KCNH7: variants seen among roughly 807,000 people sequenced by gnomAD.
KCNH7 encodes voltage-gated inwardly rectifying potassium channel KCNH7.
KCNH7 carries 49 observed loss-of-function variants against 120.8 expected under a neutral mutation model. That is an observed-to-expected ratio of 0.41 (90% CI 0.32 to 0.51). The LOEUF is 0.51. KCNH7 is among the 20% of genes least tolerant of loss of function. KCNH7 has a pLI of 0.38. For synonymous variants in KCNH7, 547 were observed against 516.1 expected, an observed-to-expected ratio of 1.06 and a Z score of -0.81; for missense variants, 1,097 against 1,446.6, an observed-to-expected ratio of 0.76 and a Z score of 3.92.
intron 6 of KCNH7, among the ~76,000 whole-genome samples, chr2:162,488,024 C>T (rs1267342498): frequency 6.6e-6 from 1 of 152,216 alleles, no homozygotes; most frequent in Non-Finnish European, 1.5e-5. Context: ...GTGTTTGTCC[C>T]AACCCTCAGG....
At chr2:162,732,502 T>C (rs1194827332) in intron 2 of KCNH7, among the ~76,000 whole-genome samples, 1 of 151,860 alleles carries the variant, frequency 6.6e-6, no homozygotes, top group Non-Finnish European at 1.5e-5. Flanking sequence ...TAGAGTGCTT[T>C]AAAAGTCACA....
intron 14 of KCNH7, among the ~76,000 whole-genome samples, chr2:162,376,552 T>TG (rs1356323744): frequency 5.9e-5 from 9 of 151,806 alleles, no homozygotes; most frequent in Admixed American, 2.6e-4. Flanking sequence ...TCAGTAGAGA[T>TG]GGGGGTTCAC....
At chr2:162,809,493 G>A (rs1684658660) in intron 2 of KCNH7, among the ~76,000 whole-genome samples, 1 of 152,090 alleles carries the variant, frequency 6.6e-6, no homozygotes, top group Non-Finnish European at 1.5e-5. Flanking sequence ...TAACCTCACT[G>A]AAGGTAAAGC....
At chr2:162,739,154 C>A (rs1485688950) in intron 2 of KCNH7, among the ~76,000 whole-genome samples, 2 of 152,126 alleles carry the variant, frequency 1.3e-5, no homozygotes, top group African/African-American at 4.8e-5. Context: ...TATAAATGAG[C>A]TTCTGCCTTG....
At position 162,786,628 on chromosome 2, in the gene KCNH7, T is replaced by G. The variant is rs1333424823; in HGVS notation, c.307+49909A>C. Among the ~76,000 whole-genome samples, 4 of 152,308 alleles carry G rather than the reference T, an allele frequency of 2.6e-5. No homozygotes were observed. In the East Asian group the frequency reaches 7.7e-4, roughly 29 times the overall value. On this transcript the variant is annotated intron_variant, in intron 2 of 15. Transcript: ENST00000332142. Reference sequence around the variant, plus strand: ...TATTTAAAGCAAAGTATTTTAAAATTATGTCTTCAATTAAAAAAAATTCTA... The same window carrying G: ...TATTTAAAGCAAAGTATTTTAAAATGATGTCTTCAATTAAAAAAAATTCTA...
chr2:162,397,253 T>C (rs1686941276), intron 10 of KCNH7, among the ~76,000 whole-genome samples: 1 of 151,730 alleles, frequency 6.6e-6, no homozygotes, highest in Admixed American at 6.6e-5. Context: ...GTATTTTAAA[T>C]ATACTTTCAG....
chr2:162,398,012 T>G (rs1686962870), intron 10 of KCNH7, among the ~76,000 whole-genome samples: 1 of 151,818 alleles, frequency 6.6e-6, no homozygotes, highest in African/African-American at 2.4e-5. Flanking sequence ...GTGATTTCCC[T>G]GAATGTCATG....
intron 3 of KCNH7, among the ~76,000 whole-genome samples, 180 bp downstream of exon 3, chr2:162,536,745 G>A (rs1692122856): frequency 6.6e-6 from 1 of 151,972 alleles, no homozygotes; most frequent in Admixed American, 6.6e-5. Context: ...GGCTTTCAGA[G>A]CAGCCAACAA....
intron 3 of KCNH7, among the ~76,000 whole-genome samples, chr2:162,535,710 A>C (rs1183592505): frequency 6.6e-6 from 1 of 151,812 alleles, no homozygotes; most frequent in East Asian, 1.9e-4. Flanking sequence ...CACATGGAAA[A>C]TTAATCAAAA....
chr2:162,382,642 G>A (rs1299539347), intron 13 of KCNH7, among the ~76,000 whole-genome samples: 2 of 151,960 alleles, frequency 1.3e-5, no homozygotes, highest in Admixed American at 6.6e-5. Flanking sequence ...GTTGGATTCA[G>A]CATCACAAAT....
At chr2:162,446,656 T>A (rs541382642) in intron 6 of KCNH7, among the ~76,000 whole-genome samples, 10 of 152,268 alleles carry the variant, frequency 6.6e-5, no homozygotes, top group Admixed American at 6.6e-4. Context: ...TGGCATTTCT[T>A]GATAAATATG....
chr2:162,600,425 T>C (rs1296565185), intron 2 of KCNH7, among the ~76,000 whole-genome samples: 1 of 152,050 alleles, frequency 6.6e-6, no homozygotes, highest in Non-Finnish European at 1.5e-5. Flanking sequence ...AATTTGGGGG[T>C]GGACAATTTT....
At chr2:162,696,459 T>C (rs1457895773) in intron 2 of KCNH7, among the ~76,000 whole-genome samples, 2 of 152,184 alleles carry the variant, frequency 1.3e-5, no homozygotes, top group African/African-American at 4.8e-5. Context: ...AGAGCTTCAA[T>C]AATGACCATA....
At chr2:162,389,268 G>A (rs1238183775) in intron 12 of KCNH7, among the ~76,000 whole-genome samples, 2 of 151,900 alleles carry the variant, frequency 1.3e-5, no homozygotes, top group Non-Finnish European at 2.9e-5. Context: ...TCAGCTTTTG[G>A]AAATCAAGAG....
At chr2:162,441,590 G>A (rs1209929967) in intron 7 of KCNH7, among the ~76,000 whole-genome samples, 1 of 152,134 alleles carries the variant, frequency 6.6e-6, no homozygotes, top group African/African-American at 2.4e-5. Context: ...GGTTAATGAA[G>A]CATGTAATTG....
intron 2 of KCNH7, among the ~76,000 whole-genome samples, chr2:162,540,907 G>T (rs1025843958): frequency 6.6e-6 from 1 of 152,092 alleles, no homozygotes; most frequent in Non-Finnish European, 1.5e-5. Flanking sequence ...TTTGGCCCAG[G>T]GTGTTGTTGT....
intron 9 of KCNH7, among the ~76,000 whole-genome samples, chr2:162,416,836 G>T (rs1318462727): frequency 6.6e-6 from 1 of 152,020 alleles, no homozygotes; most frequent in East Asian, 1.9e-4. Context: ...TGGCTCACCT[G>T]GATAATAGGA....
chr2:162,643,235 C>T (rs551853953), intron 2 of KCNH7, among the ~76,000 whole-genome samples: 2 of 151,924 alleles, frequency 1.3e-5, no homozygotes, highest in East Asian at 3.9e-4. Flanking sequence ...TGGCTCAGAG[C>T]AGCCCCAGGT....
chr2:162,657,332 G>T (rs1684799653), intron 2 of KCNH7, among the ~76,000 whole-genome samples: 1 of 151,938 alleles, frequency 6.6e-6, no homozygotes, highest in African/African-American at 2.4e-5. Flanking sequence ...CTTTCCCTGA[G>T]CCCTTTGCAA....
Sources: gnomAD v4.1 joint callset for allele counts (sites outside exome capture counted in the v4.1 genomes callset) on GRCh38, gnomAD v4.1.1 for gene constraint, MANE v1.5 for transcripts, NCBI Gene and HGNC (gene_info 2026-07-23, HGNC 2026-07-21) for gene names.